SIPA1L1: variants seen among roughly 807,000 people sequenced by gnomAD.
SIPA1L1 encodes signal induced proliferation associated 1 like 1.
SIPA1L1 carries 26 observed loss-of-function variants against 162.7 expected under a neutral mutation model. The observed-to-expected ratio is 0.16, with a 90% confidence interval of 0.12 to 0.22. The LOEUF is 0.22. Ranked by LOEUF, SIPA1L1 falls within the 10% of genes least tolerant of loss-of-function variation. The probability of loss-of-function intolerance (pLI) is 1.00; values close to 1 mark genes in which losing one functional copy is unlikely to be tolerated. For synonymous variants in SIPA1L1, 829 were observed against 837.4 expected (o/e 0.99, Z 0.17); for missense variants, 1,874 against 2,241.0 (o/e 0.84, Z 3.31).
chr14:71,556,327 G>A (rs2056347609), intron 4 of SIPA1L1, among the ~76,000 whole-genome samples: 1 of 152,126 alleles, frequency 6.6e-6, no homozygotes, highest in Non-Finnish European at 1.5e-5. Flanking sequence ...AAAAGCTGTG[G>A]GTTTTTTTCT....
At chr14:71,331,967 C>A (rs1039059744) in intron 2 of SIPA1L1, among the ~76,000 whole-genome samples, 2 of 152,226 alleles carry the variant, frequency 1.3e-5, no homozygotes, top group African/African-American at 4.8e-5. Context: ...GAACAAATTT[C>A]GGCTACTTAA....
chr14:71,656,670 T>G (rs2043085561), intron 8 of SIPA1L1, among the ~76,000 whole-genome samples: 1 of 152,258 alleles, frequency 6.6e-6, no homozygotes, highest in South Asian at 2.1e-4. Flanking sequence ...TTTGACTATT[T>G]TTAAGCCTTC....
chr14:71,357,282 GAGTT>G (rs990586773), intron 2 of SIPA1L1, among the ~76,000 whole-genome samples: 38 of 152,082 alleles, frequency 2.5e-4, no homozygotes, highest in African/African-American at 8.2e-4. Flanking sequence ...GTGTGAAAGA[GAGTT>G]AGCCCTATAA....
intron 2 of SIPA1L1, among the ~76,000 whole-genome samples, chr14:71,354,277 G>A (rs957726914): frequency 1.4e-5 from 2 of 146,898 alleles, no homozygotes; most frequent in Non-Finnish European, 3.0e-5. Context: ...TACTTCATTT[G>A]TTTCTTTTTT....
chr14:71,645,769 G>T (rs893357914), intron 7 of SIPA1L1, among the ~76,000 whole-genome samples: 2 of 152,154 alleles, frequency 1.3e-5, no homozygotes, highest in Non-Finnish European at 2.9e-5. Flanking sequence ...GAAAATACCA[G>T]ATTGACTCTT....
chr14:71,481,218 C>T (rs1332100904), intron 2 of SIPA1L1, among the ~76,000 whole-genome samples: 1 of 152,190 alleles, frequency 6.6e-6, no homozygotes, highest in Non-Finnish European at 1.5e-5. Flanking sequence ...GTGGCTCACG[C>T]CTGTAACCCT....
At chr14:71,429,442 A>G (rs1438317978) in intron 2 of SIPA1L1, among the ~76,000 whole-genome samples, 3 of 151,620 alleles carry the variant, frequency 2.0e-5, no homozygotes. Context: ...TTGGATAGGT[A>G]TTCATGTTGG....
At chr14:71,642,356 G>A (rs2041800317) in intron 7 of SIPA1L1, among the ~76,000 whole-genome samples, 1 of 152,148 alleles carries the variant, frequency 6.6e-6, no homozygotes, top group Non-Finnish European at 1.5e-5. Context: ...AGAGCACAGA[G>A]AATCAGGGAG....
At chr14:71,451,354 A>G (rs1345286790) in intron 2 of SIPA1L1, among the ~76,000 whole-genome samples, 1 of 152,116 alleles carries the variant, frequency 6.6e-6, no homozygotes, top group Non-Finnish European at 1.5e-5. Context: ...TAAGAAATAT[A>G]TTGCAGGCCA....
intron 3 of SIPA1L1, among the ~76,000 whole-genome samples, chr14:71,519,375 A>G (rs1041913527): frequency 6.6e-6 from 1 of 152,040 alleles, no homozygotes; most frequent in South Asian, 2.1e-4. Context: ...ACATGCATTT[A>G]TATTCCCTAG....
intron 2 of SIPA1L1, among the ~76,000 whole-genome samples, chr14:71,453,956 T>C (rs2045997459): frequency 8.0e-6 from 1 of 125,548 alleles, no homozygotes; most frequent in Non-Finnish European, 1.5e-5. Flanking sequence ...ATCGTGCGAC[T>C]GCACTCCCCT....
At position 71,589,125 on chromosome 14, in the gene SIPA1L1, G is replaced by A. The variant is rs1345082223; in HGVS notation, c.1253G>A (p.Arg418Gln). Residue 418 changes from arginine (R) to glutamine (Q), a missense_variant, in exon 5 of 24, where the codon CGG becomes CAG. By Grantham distance (43) the Arg-to-Gln change is conservative (BLOSUM62 1). Coordinates refer to ENST00000381232, the MANE Select transcript of SIPA1L1 (RefSeq NM_001386936.1). ...NELVMSCPYF[R>Q]NEIGGEGERK... is the part of the protein sequence containing the mutation. ...CTTGTAATGAGCTGTCCATATTTTCGGAATGAGATAGGTGGAGAAGGGGAG... is the reference window on the plus strand; with the variant it reads ...CTTGTAATGAGCTGTCCATATTTTCAGAATGAGATAGGTGGAGAAGGGGAG... The A allele has an allele frequency of 5.0e-6, 8 of 1,614,064 alleles. No individual in the cohort carries two copies. The highest frequency in any genetic ancestry group is 6.8e-6 in the Non-Finnish European group (8 of 1,179,960).
At chr14:71,683,144 A>G (rs1219592694) in intron 12 of SIPA1L1, among the ~76,000 whole-genome samples, 1 of 152,216 alleles carries the variant, frequency 6.6e-6, no homozygotes, top group Non-Finnish European at 1.5e-5. Flanking sequence ...ACACAGCAAG[A>G]CCTTCTCTCA....
At chr14:71,718,542 TG>T (rs2083439303) in intron 17 of SIPA1L1, among the ~76,000 whole-genome samples, 1 of 152,110 alleles carries the variant, frequency 6.6e-6, no homozygotes, top group Admixed American at 6.6e-5. Context: ...CCTGGCTACT[TG>T]GGGGGCTAAG....
intron 2 of SIPA1L1, among the ~76,000 whole-genome samples, chr14:71,468,008 GTGTGTGTGT>G (rs1567063499): frequency 1.1e-3 from 57 of 51,540 alleles, no homozygotes; most frequent in Admixed American, 1.9e-3. Flanking sequence ...TTAGAGGGGT[GTGTGTGTGT>G]GTGTGTGTGT....
At chr14:71,451,738 C>T (rs1457730376) in intron 2 of SIPA1L1, among the ~76,000 whole-genome samples, 1 of 151,532 alleles carries the variant, frequency 6.6e-6, no homozygotes, top group Non-Finnish European at 1.5e-5. Flanking sequence ...TAAATGTTCT[C>T]ACCACAAAAA....
intron 2 of SIPA1L1, among the ~76,000 whole-genome samples, chr14:71,371,050 G>C (rs2038842936): frequency 6.6e-6 from 1 of 152,012 alleles, no homozygotes; most frequent in South Asian, 2.1e-4. Flanking sequence ...ACTAAATGGG[G>C]GAAGTTGATC....
intron 4 of SIPA1L1, among the ~76,000 whole-genome samples, chr14:71,542,506 G>A (rs1490291579): frequency 2.2e-5 from 3 of 134,028 alleles, no homozygotes; most frequent in African/African-American, 5.8e-5. Context: ...TCTCCTCGTC[G>A]TCCTTCCTCT....
chr14:71,448,235 T>C (rs1385608414), intron 2 of SIPA1L1, among the ~76,000 whole-genome samples: 1 of 152,238 alleles, frequency 6.6e-6, no homozygotes, highest in African/African-American at 2.4e-5. Flanking sequence ...CTTTCTTGGT[T>C]GTCTTTCTGG....
Sources: gnomAD v4.1 joint callset for allele counts (sites outside exome capture counted in the v4.1 genomes callset) on GRCh38, gnomAD v4.1.1 for gene constraint, MANE v1.5 for transcripts, NCBI Gene and HGNC (gene_info 2026-07-23, HGNC 2026-07-21) for gene names.